The following RABGAP1 variants were observed in gnomAD, a reference collection of about 807,000 sequenced individuals.
RABGAP1 encodes the protein rab GTPase-activating protein 1.
In RABGAP1, 23 loss-of-function variants were observed where a neutral mutation model predicts 137.6. The observed-to-expected ratio is 0.17, with a 90% CI of 0.12 to 0.24. The LOEUF is 0.24. RABGAP1 is among the 10% of genes least tolerant of loss of function. The pLI is 1.00. For missense variants in RABGAP1, 906 were observed against 1,275.8 expected, an observed-to-expected ratio of 0.71 and a Z score of 4.42; for synonymous variants, 451 against 450.7, an observed-to-expected ratio of 1.00 and a Z score of -0.01.
intron 14 of RABGAP1, among the ~76,000 whole-genome samples, chr9:123,067,267 GTC>G (rs768915342): frequency 1.6e-4 from 24 of 152,300 alleles, no homozygotes; most frequent in Admixed American, 1.2e-3. Context: ...TATGACTGAT[GTC>G]TCTCTTAGCT....
At chr9:122,984,356 A>T (rs933576402) in intron 2 of RABGAP1, 129 bp from the exon 3 acceptor site, 1 of 799,338 alleles carries the variant, frequency 1.3e-6, no homozygotes. Context: ...CTATTTTTAA[A>T]AAAAACATTC....
chr9:123,001,694 C>T (rs995179278), intron 10 of RABGAP1, among the ~76,000 whole-genome samples: 3 of 152,218 alleles, frequency 2.0e-5, no homozygotes, highest in Non-Finnish European at 2.9e-5. Context: ...GTTCCCTCAA[C>T]TCTCTGAGTC....
intron 21 of RABGAP1, 144 bp from the exon 22 acceptor site, chr9:123,097,597 A>AT (rs1285046662): frequency 1.5e-6 from 1 of 657,050 alleles, no homozygotes; most frequent in African/African-American, 1.8e-5. Flanking sequence ...GCATGAGTGT[A>AT]TTCTCATTGT....
At chr9:122,951,473 T>C (rs1298329046) in intron 1 of RABGAP1, among the ~76,000 whole-genome samples, 1 of 152,158 alleles carries the variant, frequency 6.6e-6, no homozygotes, top group Non-Finnish European at 1.5e-5. Context: ...AAGAACCGAC[T>C]GCCTTTGAAG....
chr9:122,963,019 T>C (rs1834932907), intron 2 of RABGAP1, among the ~76,000 whole-genome samples: 2 of 152,192 alleles, frequency 1.3e-5, no homozygotes, highest in African/African-American at 4.8e-5. Context: ...GAAGGATTAG[T>C]CCATCACAGA....
intron 13 of RABGAP1, among the ~76,000 whole-genome samples, chr9:123,063,679 C>T (rs1400663941): frequency 6.6e-6 from 1 of 152,174 alleles, no homozygotes; most frequent in Non-Finnish European, 1.5e-5. Flanking sequence ...GTTATATCTT[C>T]CTTAATGAAA....
At chr9:123,064,582 C>T (rs1286791485) in intron 13 of RABGAP1, among the ~76,000 whole-genome samples, 5 of 152,160 alleles carry the variant, frequency 3.3e-5, no homozygotes. Flanking sequence ...GCTATGAAGA[C>T]ACTGCATTGT....
chr9:123,049,404 G>A (rs747212411), intron 13 of RABGAP1, among the ~76,000 whole-genome samples: 1 of 152,104 alleles, frequency 6.6e-6, no homozygotes, highest in Non-Finnish European at 1.5e-5. Context: ...TGAAATGGAT[G>A]AACTCCTTAC....
intron 9 of RABGAP1, among the ~76,000 whole-genome samples, 165 bp from the exon 10 acceptor site, chr9:122,998,432 C>T (rs586863): frequency 0.75 from 114,772 of 152,086 alleles, 45,300 homozygotes; most frequent in Middle Eastern, 0.89. Flanking sequence ...ATGGAATTTG[C>T]TTTTGAAACC....
chr9:122,943,072 C>CTTTTTTTTTTTTTT (rs10582436), intron 1 of RABGAP1, among the ~76,000 whole-genome samples: 4 of 116,224 alleles, frequency 3.4e-5, no homozygotes, highest in African/African-American at 1.7e-4. Flanking sequence ...GGTGCACTTT[C>CTTTTTTTTTTTTTT]TTTTTTTTTT....
intron 12 of RABGAP1, among the ~76,000 whole-genome samples, chr9:123,016,835 C>T (rs1017360240): frequency 7.9e-5 from 12 of 152,162 alleles, no homozygotes; most frequent in African/African-American, 2.9e-4. Context: ...AATTTTAAAG[C>T]ATTGTGTCAT....
chr9:123,005,794 A>G (rs1171156787), intron 10 of RABGAP1, among the ~76,000 whole-genome samples: 1 of 152,220 alleles, frequency 6.6e-6, no homozygotes, highest in East Asian at 1.9e-4. Context: ...ATAATCACTG[A>G]CACATAAGGT....
chr9:123,044,384 C>T (rs982120288), intron 13 of RABGAP1, among the ~76,000 whole-genome samples: 1 of 152,182 alleles, frequency 6.6e-6, no homozygotes, highest in South Asian at 2.1e-4. Context: ...TTAATTGTCT[C>T]ATTTAATCCC....
chr9:122,992,069 C>A (rs915835098), intron 6 of RABGAP1, among the ~76,000 whole-genome samples: 3 of 151,700 alleles, frequency 2.0e-5, no homozygotes, highest in Non-Finnish European at 2.9e-5. Context: ...CAGAGCCTTG[C>A]TCTGTCACCA....
intron 13 of RABGAP1, chr9:123,034,272 C>T (rs1322883798): frequency 2.3e-6 from 1 of 438,930 alleles, no homozygotes; most frequent in African/African-American, 2.0e-5. Flanking sequence ...AAGACGTTCT[C>T]CCCAGAGTTT....
chr9:123,025,519 T>C (rs1225790323), intron 13 of RABGAP1, among the ~76,000 whole-genome samples: 3 of 151,126 alleles, frequency 2.0e-5, no homozygotes, highest in Non-Finnish European at 4.4e-5. Context: ...AGTATGTCTT[T>C]TTATTTGTTC....
intron 13 of RABGAP1, among the ~76,000 whole-genome samples, chr9:123,058,412 T>C (rs1193121726): frequency 6.6e-6 from 1 of 152,208 alleles, no homozygotes; most frequent in Non-Finnish European, 1.5e-5. Context: ...GAACCAAATA[T>C]TAGCCATAGT....
At chr9:123,023,510 A>C (rs2031776859) in intron 13 of RABGAP1, among the ~76,000 whole-genome samples, 2 of 152,166 alleles carry the variant, frequency 1.3e-5, no homozygotes, top group Non-Finnish European at 2.9e-5. Context: ...GCATTTATAC[A>C]GTCACACAGC....
Position 123,099,519 on chromosome 9 carries a change from A to G in RABGAP1, c.2859A>G (p.Thr953=). 1 of 1,613,122 alleles carries G rather than the reference A, an allele frequency of 6.2e-7. No individual in the cohort carries two copies. The highest frequency in any genetic ancestry group is 8.5e-7 in the Non-Finnish European group (1 of 1,179,048). Residue 953 remains threonine (T), a synonymous_variant, in exon 24 of 26, where the codon ACA becomes ACG. Transcript: ENST00000373647. The part of the protein sequence containing the change: ...QLSERLEKQQ[T]ANKVEIEKIR... ...GTGAAAGATTGGAGAAGCAGCAGACAGCCAATAAGGTGGAAATTGAGAAAA... is the reference window on the plus strand; with the variant it reads ...GTGAAAGATTGGAGAAGCAGCAGACGGCCAATAAGGTGGAAATTGAGAAAA...
Sources: gnomAD v4.1 joint callset for allele counts (sites outside exome capture counted in the v4.1 genomes callset) on GRCh38, gnomAD v4.1.1 for gene constraint, MANE v1.5 for transcripts, NCBI Gene and HGNC (gene_info 2026-07-23, HGNC 2026-07-21) for gene names.